TRDN: variants seen among roughly 807,000 people sequenced by gnomAD.
TRDN encodes the protein triadin.
A neutral mutation model predicts 149.7 loss-of-function variants in TRDN; 161 were observed. The observed-to-expected ratio is 1.08, with a 90% CI of 0.95 to 1.23. TRDN has a LOEUF of 1.23. TRDN is among the 50% of genes most tolerant of loss of function. The pLI is 0.00. For missense variants in TRDN, 896 were observed against 823.5 expected (o/e 1.09, Z -1.08); for synonymous variants, 294 against 250.5 (o/e 1.17, Z -1.64).
At chr6:123,448,514 C>T (rs1775541648) in intron 10 of TRDN, among the ~76,000 whole-genome samples, 1 of 152,024 alleles carries the variant, frequency 6.6e-6, no homozygotes, top group Non-Finnish European at 1.5e-5. Context: ...CAGCCATAAT[C>T]CTCCTACTTA....
In TRDN at chr6:123,503,630, G is replaced by C. The variant is rs538834841; in HGVS notation, c.793+89C>G. ...TTACCCCCATTTGAAGTCTGATTTT[G>C]GTCTTTTTCAACTTTTAATTTCACT... On this transcript the variant is annotated intron_variant, in intron 8 of 40. Coordinates refer to ENST00000334268, the MANE Select transcript of TRDN (RefSeq NM_006073.4). 29 of 1,566,852 alleles carry C rather than the reference G, an allele frequency of 1.9e-5. 1 individual carries two copies. The South Asian group carries it at 3.2e-4, about 17-fold the overall frequency.
rs144954735 is a variant in TRDN at position 123,382,775 on chromosome 6, C to T, written c.1136-628G>A. Among the ~76,000 whole-genome samples, 688 of 151,982 alleles carry T rather than the reference C, an allele frequency of 4.5e-3. 2 individuals carry two copies. Among genetic ancestry groups the T allele is most frequent in the Non-Finnish European group, 7.2e-3 (486 of 67,864 alleles). On this transcript the variant is annotated intron_variant, in intron 14 of 40. Transcript: ENST00000334268. ...AGACATCGATTTCATTTATAGTAGA[C>T]GGGCATTCAGCCTAGATCTGATAAA...
At chr6:123,425,039 C>T (rs973167981) in intron 12 of TRDN, among the ~76,000 whole-genome samples, 1 of 151,854 alleles carries the variant, frequency 6.6e-6, no homozygotes, top group Non-Finnish European at 1.5e-5. Flanking sequence ...TGAGGTGGTT[C>T]ATAAAGGTAG....
chr6:123,489,323 C>G (rs918947693), intron 9 of TRDN, among the ~76,000 whole-genome samples: 3 of 151,828 alleles, frequency 2.0e-5, no homozygotes, highest in Non-Finnish European at 4.4e-5. Context: ...TTCAAAAAAA[C>G]AAAAAACACA....
At chr6:123,292,682 T>G (rs1383736453) in intron 24 of TRDN, among the ~76,000 whole-genome samples, 1 of 152,162 alleles carries the variant, frequency 6.6e-6, no homozygotes, top group Non-Finnish European at 1.5e-5. Flanking sequence ...CCTCTGCTGT[T>G]AAACTTCAGG....
intron 8 of TRDN, chr6:123,502,719 C>A (rs1778750711): frequency 3.0e-6 from 3 of 984,032 alleles, no homozygotes; most frequent in Non-Finnish European, 3.6e-6. Context: ...AAACTAAAAT[C>A]TAATAGAAAC....
chr6:123,567,860 C>T (rs1782371658), intron 2 of TRDN, among the ~76,000 whole-genome samples: 1 of 152,122 alleles, frequency 6.6e-6, no homozygotes, highest in South Asian at 2.1e-4. Context: ...TCTGGCCCCT[C>T]AAATCTCATT....
At chr6:123,626,344 A>G (rs1482326896) in intron 1 of TRDN, among the ~76,000 whole-genome samples, 5 of 152,080 alleles carry the variant, frequency 3.3e-5, no homozygotes, top group African/African-American at 1.2e-4. Context: ...TTAGCCTGGC[A>G]GTGTGATGCA....
intron 23 of TRDN, among the ~76,000 whole-genome samples, chr6:123,327,905 T>C (rs2114720246): frequency 6.6e-6 from 1 of 152,310 alleles, no homozygotes; most frequent in East Asian, 1.9e-4. Flanking sequence ...AGTACATATG[T>C]ATAATTTGTA....
At chr6:123,569,781 C>CACCAAGGG in intron 2 of TRDN, among the ~76,000 whole-genome samples, 1 of 152,100 alleles carries the variant, frequency 6.6e-6, no homozygotes, top group Non-Finnish European at 1.5e-5. Flanking sequence ...GTGAGGACAG[C>CACCAAGGG]ACCAAGGGGA....
intron 1 of TRDN, among the ~76,000 whole-genome samples, chr6:123,636,247 T>C (rs1487458187): frequency 6.6e-6 from 1 of 151,964 alleles, no homozygotes; most frequent in Admixed American, 6.6e-5. Context: ...TATGTGTGTT[T>C]TACATACCCT....
chr6:123,329,829 T>C (rs1394120056), intron 23 of TRDN, among the ~76,000 whole-genome samples: 1 of 152,076 alleles, frequency 6.6e-6, no homozygotes, highest in Non-Finnish European at 1.5e-5. Context: ...TAAAATGGGA[T>C]TTAAAATAAT....
chr6:123,264,696 TTTA>T (rs1202426037), intron 33 of TRDN, among the ~76,000 whole-genome samples: 2 of 151,870 alleles, frequency 1.3e-5, no homozygotes, highest in Admixed American at 6.6e-5. Flanking sequence ...TGTACCAAAC[TTTA>T]TTGTTGTCTT....
chr6:123,305,588 G>A (rs1778579017), intron 24 of TRDN, among the ~76,000 whole-genome samples: 1 of 152,072 alleles, frequency 6.6e-6, no homozygotes, highest in East Asian at 1.9e-4. Context: ...CTGATGCCAC[G>A]ACCAAAGACA....
In TRDN at chr6:123,455,446, G is replaced by GTGTA. The variant is rs1392022962; in HGVS notation, c.931+9459_931+9460insTACA. ...TGTGTGTGTGTGTGTGTGTCTGTGT[G>GTGTA]TGTTAGAGAAACAAAGAGAGAAGAA... On this transcript the variant is annotated intron_variant, in intron 10 of 40. Coordinates refer to ENST00000334268, the MANE Select transcript of TRDN (RefSeq NM_006073.4). 2.8e-4 allele frequency among the ~76,000 whole-genome samples: 42 copies of GTGTA among 151,824 alleles called. 1 individual carries two copies. Among genetic ancestry groups the GTGTA allele is most frequent in the African/African-American group, 7.7e-4 (32 of 41,316 alleles).
chr6:123,540,119 C>G (rs1240742604), intron 4 of TRDN, among the ~76,000 whole-genome samples: 1 of 152,240 alleles, frequency 6.6e-6, no homozygotes, highest in Non-Finnish European at 1.5e-5. Context: ...CTAACCCACC[C>G]TTCATTTCCA....
At chr6:123,477,425 G>T (rs1777542112) in intron 9 of TRDN, among the ~76,000 whole-genome samples, 1 of 149,852 alleles carries the variant, frequency 6.7e-6, no homozygotes, top group Middle Eastern at 3.2e-3. Flanking sequence ...TGCTGGGGAG[G>T]ATGTGGAGAA....
At chr6:123,496,704 C>G (rs1409209623) in intron 9 of TRDN, among the ~76,000 whole-genome samples, 5 of 152,060 alleles carry the variant, frequency 3.3e-5, no homozygotes, top group Non-Finnish European at 7.4e-5. Context: ...GATTATCTAT[C>G]TCCATCAATA....
chr6:123,395,527 T>G (rs1286362587), intron 12 of TRDN, among the ~76,000 whole-genome samples: 1 of 152,152 alleles, frequency 6.6e-6, no homozygotes, highest in Non-Finnish European at 1.5e-5. Context: ...AGATTGGGCA[T>G]GTTTTAGGGT....
Sources: gnomAD v4.1 joint callset for allele counts (sites outside exome capture counted in the v4.1 genomes callset) on GRCh38, gnomAD v4.1.1 for gene constraint, MANE v1.5 for transcripts, NCBI Gene and HGNC (gene_info 2026-07-23, HGNC 2026-07-21) for gene names.